Variants in SDK1 observed in about 807,000 individuals in gnomAD.
SDK1 encodes protein sidekick-1.
In SDK1, 157 loss-of-function variants were observed where a neutral mutation model predicts 245.5. The ratio of observed to expected loss-of-function variants is 0.64; its 90% CI spans 0.56 to 0.73. The LOEUF (loss-of-function observed/expected upper bound fraction) is 0.73, where lower values mean the gene tolerates loss of function less well. Ranked by LOEUF, SDK1 falls within the 30% of genes least tolerant of loss-of-function variation. SDK1 has a pLI of 0.00. For synonymous variants in SDK1, 1,647 were observed against 1,278.5 expected, an observed-to-expected ratio of 1.29 and a Z score of -6.15; for missense variants, 3,583 against 3,002.3, an observed-to-expected ratio of 1.19 and a Z score of -4.52.
intron 1 of SDK1, among the ~76,000 whole-genome samples, chr7:3,611,359 C>A (rs1781581459): frequency 6.6e-6 from 1 of 152,088 alleles, no homozygotes; most frequent in Non-Finnish European, 1.5e-5. Flanking sequence ...TCTCCTTTCT[C>A]CTCCTGCTCT....
intron 1 of SDK1, among the ~76,000 whole-genome samples, chr7:3,503,291 G>A (rs987104756): frequency 3.9e-5 from 6 of 152,112 alleles, no homozygotes; most frequent in Non-Finnish European, 1.5e-5. Flanking sequence ...GGATTATTTG[G>A]CTTATTTATA....
At chr7:4,002,676 A>G (rs939676394) in intron 14 of SDK1, among the ~76,000 whole-genome samples, 32 of 152,330 alleles carry the variant, frequency 2.1e-4, no homozygotes, top group African/African-American at 7.7e-4. Flanking sequence ...ATATATATAC[A>G]CAAATACATA....
intron 4 of SDK1, among the ~76,000 whole-genome samples, chr7:3,798,299 G>A (rs1365062000): frequency 3.5e-5 from 5 of 142,274 alleles, no homozygotes; most frequent in Non-Finnish European, 7.5e-5. Flanking sequence ...CTCACTGCAA[G>A]CTCTACCTCC....
intron 4 of SDK1, among the ~76,000 whole-genome samples, chr7:3,810,076 T>C (rs926322495): frequency 6.6e-6 from 1 of 152,230 alleles, no homozygotes; most frequent in South Asian, 2.1e-4. Flanking sequence ...TTGTGTTTTA[T>C]TCTCTTGCTA....
intron 19 of SDK1, among the ~76,000 whole-genome samples, chr7:4,063,647 G>T (rs1297439540): frequency 6.8e-6 from 1 of 146,686 alleles, no homozygotes; most frequent in Non-Finnish European, 1.5e-5. Context: ...CCCAAAAAGA[G>T]CCCAAATAGC....
chr7:3,614,728 C>T (rs967666542), intron 1 of SDK1, among the ~76,000 whole-genome samples: 3 of 152,176 alleles, frequency 2.0e-5, no homozygotes, highest in African/African-American at 7.2e-5. Context: ...CCCACCTTGG[C>T]TAATCTATGT....
At chr7:4,107,246 T>TG (rs145188170) in intron 22 of SDK1, among the ~76,000 whole-genome samples, 3,908 of 151,640 alleles carry the variant, frequency 0.026, 162 homozygotes, top group African/African-American at 0.089. Context: ...CTTGGGGTCT[T>TG]GAGAGTAAGT....
intron 5 of SDK1, among the ~76,000 whole-genome samples, chr7:3,826,762 C>G (rs971246432): frequency 3.3e-5 from 5 of 152,196 alleles, no homozygotes; most frequent in South Asian, 4.1e-4. Flanking sequence ...GACCAACAGA[C>G]TCAACCTGCA....
chr7:4,001,157 C>T (rs79693241), intron 14 of SDK1, among the ~76,000 whole-genome samples: 3 of 152,174 alleles, frequency 2.0e-5, no homozygotes, highest in Admixed American at 2.0e-4. Context: ...TACAGCGTGG[C>T]TCCCATAGCT....
At chr7:4,040,858 G>A (rs1788577548) in intron 17 of SDK1, among the ~76,000 whole-genome samples, 1 of 152,188 alleles carries the variant, frequency 6.6e-6, no homozygotes, top group African/African-American at 2.4e-5. Flanking sequence ...CATGTTGAAT[G>A]TGTCTGGCCC....
At chr7:3,590,778 CTTTTT>C (rs34165148) in intron 1 of SDK1, among the ~76,000 whole-genome samples, 1 of 115,204 alleles carries the variant, frequency 8.7e-6, no homozygotes. Flanking sequence ...GAGTATAGCA[CTTTTT>C]TTTTTTTTTT....
At chr7:3,395,158 C>G (rs1583794003) in intron 1 of SDK1, among the ~76,000 whole-genome samples, 1 of 151,850 alleles carries the variant, frequency 6.6e-6, no homozygotes, top group South Asian at 2.1e-4. Flanking sequence ...AGGTTCTATT[C>G]TAAGGTTGCT....
At chr7:3,933,126 T>TC (rs1278012120) in intron 5 of SDK1, among the ~76,000 whole-genome samples, 1 of 134,266 alleles carries the variant, frequency 7.4e-6, no homozygotes, top group East Asian at 2.2e-4. Context: ...CCTGGATCTT[T>TC]TTTTTTTTTT....
At chr7:4,067,799 G>T in intron 19 of SDK1, 39 bp from the exon 20 acceptor site, 1 of 1,501,644 alleles carries the variant, frequency 6.7e-7, no homozygotes, top group Non-Finnish European at 9.2e-7. Flanking sequence ...GAAAATTTGG[G>T]CTATTGTGTT....
At chr7:3,822,736 C>G (rs1779676119) in intron 5 of SDK1, among the ~76,000 whole-genome samples, 1 of 151,504 alleles carries the variant, frequency 6.6e-6, no homozygotes, top group African/African-American at 2.4e-5. Flanking sequence ...CCATTACACT[C>G]CAGCCTGGGC....
At chr7:3,449,864 C>G (rs1030286288) in intron 1 of SDK1, among the ~76,000 whole-genome samples, 2 of 152,112 alleles carry the variant, frequency 1.3e-5, no homozygotes, top group Non-Finnish European at 1.5e-5. Flanking sequence ...AGCTTAGGAG[C>G]TAGTGGACAC....
chr7:3,404,679 A>G (rs558089937), intron 1 of SDK1, among the ~76,000 whole-genome samples: 37 of 152,334 alleles, frequency 2.4e-4, no homozygotes, highest in South Asian at 2.1e-3. Context: ...ACTGAAGTCA[A>G]TTACTTCAGA....
At chr7:3,358,259 T>C (rs1488861539) in intron 1 of SDK1, among the ~76,000 whole-genome samples, 1 of 152,146 alleles carries the variant, frequency 6.6e-6, no homozygotes, top group Admixed American at 6.5e-5. Flanking sequence ...CGACCTCAAG[T>C]GATCTGCCCG....
intron 1 of SDK1, among the ~76,000 whole-genome samples, chr7:3,451,524 T>G (rs1480029708): frequency 6.6e-6 from 1 of 151,444 alleles, no homozygotes; most frequent in Non-Finnish European, 1.5e-5. Flanking sequence ...ATCAATGTGA[T>G]CAAAATGACG....
Sources: gnomAD v4.1 joint callset for allele counts (sites outside exome capture counted in the v4.1 genomes callset) on GRCh38, gnomAD v4.1.1 for gene constraint, MANE v1.5 for transcripts, NCBI Gene and HGNC (gene_info 2026-07-23, HGNC 2026-07-21) for gene names.